The following SLC22A15 variants were observed in gnomAD, a reference collection of about 807,000 sequenced individuals.
The protein encoded by SLC22A15 is solute carrier family 22 member 15, also known as flipt 1.
Under a neutral mutation model 62.7 loss-of-function variants are expected in SLC22A15, and 45 were observed. The observed-to-expected ratio is 0.72, with a 90% CI of 0.56 to 0.92. The LOEUF is 0.92. SLC22A15 is among the 40% of genes least tolerant of loss of function. The pLI, the probability that SLC22A15 is intolerant of heterozygous loss-of-function variation, is 0.00. For synonymous variants in SLC22A15, 264 were observed against 267.0 expected (o/e 0.99, Z 0.11); for missense variants, 622 against 665.6 (o/e 0.93, Z 0.72).
At chr1:116,019,744 T>G in intron 3 of SLC22A15, 30 bp downstream of exon 3, 2 of 1,586,922 alleles carry the variant, frequency 1.3e-6, no homozygotes, top group Non-Finnish European at 8.5e-7. Context: ...ATAAACTGGA[T>G]GAGAGGGCTT....
Position 115,992,222 on chromosome 1 carries a change from C to T in SLC22A15, c.279C>T (p.Ser93=). Residue 93 remains serine (S), a synonymous_variant, in exon 2 of 12, where the codon AGC becomes AGT. Coordinates refer to ENST00000369503, the MANE Select transcript of SLC22A15 (RefSeq NM_018420.3). ...ATAAGCACGTGCATTTCAGCAGCAG[C>T]TTCACCTCCATCGCCTCGGAGGTAA... ...EIHKHVHFSS[S]FTSIASEWFL... 6.3e-7 allele frequency: 1 copy of T among 1,596,794 alleles called. No individual in the cohort carries two copies. Among genetic ancestry groups the T allele is most frequent in the Non-Finnish European group, 8.5e-7 (1 of 1,171,330 alleles).
intron 8 of SLC22A15, among the ~76,000 whole-genome samples, chr1:116,057,805 G>C (rs1024927020): frequency 1.8e-4 from 27 of 152,020 alleles, no homozygotes; most frequent in Admixed American, 7.2e-4. Flanking sequence ...ACTATCGCAA[G>C]GACAAAAAAC....
At chr1:116,050,283 C>G (rs1184774231) in intron 8 of SLC22A15, among the ~76,000 whole-genome samples, 1 of 152,092 alleles carries the variant, frequency 6.6e-6, no homozygotes, top group Admixed American at 6.6e-5. Flanking sequence ...CAGGAAAGGA[C>G]ATAACCAAAA....
At chr1:116,054,672 C>A (rs540351470) in intron 8 of SLC22A15, among the ~76,000 whole-genome samples, 1 of 152,134 alleles carries the variant, frequency 6.6e-6, no homozygotes, top group Admixed American at 6.5e-5. Flanking sequence ...CTCTCCTCAG[C>A]AAATGTAAGA....
intron 2 of SLC22A15, among the ~76,000 whole-genome samples, chr1:115,999,243 G>A (rs1655586596): frequency 6.6e-6 from 1 of 152,180 alleles, no homozygotes; most frequent in African/African-American, 2.4e-5. Flanking sequence ...AAGAATGGAA[G>A]AATGCATATT....
intron 4 of SLC22A15, among the ~76,000 whole-genome samples, chr1:116,023,446 C>T (rs1002615424): frequency 6.6e-6 from 1 of 152,122 alleles, no homozygotes; most frequent in East Asian, 1.9e-4. Flanking sequence ...CTAAAGAATA[C>T]ATGTAGTCCT....
At chr1:115,978,286 A>C (rs1428377824) in intron 1 of SLC22A15, among the ~76,000 whole-genome samples, 1 of 152,088 alleles carries the variant, frequency 6.6e-6, no homozygotes, top group African/African-American at 2.4e-5. Flanking sequence ...GTTTGTCTTC[A>C]GTAGAGTGAG....
intron 2 of SLC22A15, among the ~76,000 whole-genome samples, chr1:116,009,258 T>C (rs1352070653): frequency 2.0e-5 from 3 of 152,056 alleles, no homozygotes; most frequent in African/African-American, 7.2e-5. Context: ...CTGAAGTCCT[T>C]TATATTGAGG....
At chr1:115,995,557 G>A (rs1026634384) in intron 2 of SLC22A15, among the ~76,000 whole-genome samples, 1 of 152,042 alleles carries the variant, frequency 6.6e-6, no homozygotes, top group Non-Finnish European at 1.5e-5. Flanking sequence ...AGCCCAAAAT[G>A]GTTATTTCTT....
chr1:116,058,287 C>G (rs879774286), intron 8 of SLC22A15, among the ~76,000 whole-genome samples: 3 of 151,820 alleles, frequency 2.0e-5, no homozygotes, highest in Non-Finnish European at 4.4e-5. Context: ...ACAAACAATC[C>G]CATCAAAAAG....
At chr1:116,011,703 A>T (rs1306941371) in intron 2 of SLC22A15, among the ~76,000 whole-genome samples, 1 of 151,920 alleles carries the variant, frequency 6.6e-6, no homozygotes, top group Admixed American at 6.6e-5. Context: ...GAAAGGAGAG[A>T]GTGGTAAGCT....
At chr1:116,053,168 C>A (rs549228132) in intron 8 of SLC22A15, among the ~76,000 whole-genome samples, 2 of 152,058 alleles carry the variant, frequency 1.3e-5, no homozygotes, top group Non-Finnish European at 2.9e-5. Context: ...AAAATTTAGA[C>A]GAATTTATAA....
rs1451532774 is a variant in SLC22A15 at position 116,031,538 on chromosome 1, T to G, written c.901T>G (p.Tyr301Asp). 1.2e-6 allele frequency: 2 copies of G among 1,613,996 alleles called. No homozygotes were observed. The highest frequency in any genetic ancestry group is 1.7e-6 in the Non-Finnish European group (2 of 1,179,862). Reference sequence around the variant, plus strand: ...TGGAAGTTTCCTGGATCTCTTTCGTTACCGGGTCCTGTTAGGACACACTTT... The same window carrying G: ...TGGAAGTTTCCTGGATCTCTTTCGTGACCGGGTCCTGTTAGGACACACTTT... Reference protein sequence around the residue: ...ETGSFLDLFRYRVLLGHTLIL... With the variant: ...ETGSFLDLFRDRVLLGHTLIL... The change falls in exon 6 of 12, where the codon TAC becomes GAC. Residue 301 changes from tyrosine (Y) to aspartate (D), a missense_variant. Coordinates refer to ENST00000369503, the MANE Select transcript of SLC22A15 (RefSeq NM_018420.3).
In SLC22A15 at chr1:116,049,911, G is replaced by A. The variant is rs187902531; in HGVS notation, c.1171+12523G>A. ...AACCTCATTAAGAAATGATACAGGAGACATTACAACTGACACCACTGAAAT... is the reference window on the plus strand; with the variant it reads ...AACCTCATTAAGAAATGATACAGGAAACATTACAACTGACACCACTGAAAT... On this transcript the variant is annotated intron_variant, in intron 8 of 11. Transcript: ENST00000369503. 1.7e-4 allele frequency among the ~76,000 whole-genome samples: 26 copies of A among 152,240 alleles called. 1 individual carries two copies. Among genetic ancestry groups the A allele is most frequent in the Admixed American group, 5.9e-4 (9 of 15,280 alleles).
chr1:116,004,076 C>T (rs1655861501), intron 2 of SLC22A15, among the ~76,000 whole-genome samples: 1 of 152,188 alleles, frequency 6.6e-6, no homozygotes, highest in Non-Finnish European at 1.5e-5. Context: ...CTCCTTAATT[C>T]CTGTTTTCCT....
At chr1:115,986,668 G>A (rs1654879277) in intron 1 of SLC22A15, among the ~76,000 whole-genome samples, 1 of 152,180 alleles carries the variant, frequency 6.6e-6, no homozygotes, top group African/African-American at 2.4e-5. Context: ...GTTGTTGGTT[G>A]TTGCAGCTTA....
chr1:116,016,133 C>T (rs1048297883), intron 2 of SLC22A15, among the ~76,000 whole-genome samples: 18 of 147,620 alleles, frequency 1.2e-4, no homozygotes, highest in Admixed American at 1.2e-3. Context: ...TTCTTCTCTC[C>T]TTCTCTCCTC....
chr1:116,040,575 C>T (rs899109450), intron 8 of SLC22A15, among the ~76,000 whole-genome samples: 1 of 152,102 alleles, frequency 6.6e-6, no homozygotes, highest in Non-Finnish European at 1.5e-5. Context: ...AAAGTCAGTC[C>T]TCTTTTGGGT....
chr1:116,012,812 G>A (rs1390249041), intron 2 of SLC22A15, among the ~76,000 whole-genome samples: 2 of 152,184 alleles, frequency 1.3e-5, no homozygotes, highest in Admixed American at 6.5e-5. Context: ...AGTGGAAACT[G>A]TACTTCCAAT....
Sources: allele counts gnomAD v4.1 joint callset (sites outside exome capture counted in the v4.1 genomes callset), GRCh38; gene constraint gnomAD v4.1.1; transcripts MANE v1.5; gene names NCBI Gene and HGNC (gene_info 2026-07-23, HGNC 2026-07-21).